The following ZFYVE16 variants were observed in gnomAD, a reference collection of about 807,000 sequenced individuals.
ZFYVE16 encodes the protein zinc finger FYVE-type containing 16.
Under a neutral mutation model 138.1 loss-of-function variants are expected in ZFYVE16, and 89 were observed. The observed-to-expected ratio is 0.64, with a 90% CI of 0.54 to 0.77. The LOEUF (loss-of-function observed/expected upper bound fraction) is 0.77, where lower values mean the gene tolerates loss of function less well. Ranked by LOEUF, ZFYVE16 falls within the 30% of genes least tolerant of loss-of-function variation. ZFYVE16 has a pLI of 0.00. For synonymous variants in ZFYVE16, 596 were observed against 618.3 expected, an observed-to-expected ratio of 0.96 and a Z score of 0.53; for missense variants, 1,793 against 1,786.7, an observed-to-expected ratio of 1.00 and a Z score of -0.06.
At position 80,455,475 on chromosome 5, in the gene ZFYVE16, A is replaced by G. The variant is rs111753038; in HGVS notation, c.3608-217A>G. The G allele has an allele frequency of 2.3e-3, 1,033 of 452,680 alleles. 6 individuals are homozygous for G. Among genetic ancestry groups the G allele is most frequent in the African/African-American group, 0.019 (911 of 47,696 alleles). 28.0% of individuals were successfully genotyped at this position (452,680 alleles called of 1,614,324 possible). A position where few individuals can be genotyped will look rare whatever the true frequency, so the allele number is the denominator to read the frequency against. ...CTTGAACCCAGGAAGTGGAGGTTGCAATGAGTCGAGATTGCACCGCTGCAC... is the reference window on the plus strand; with the variant it reads ...CTTGAACCCAGGAAGTGGAGGTTGCGATGAGTCGAGATTGCACCGCTGCAC... On this transcript the variant is annotated intron_variant, in intron 11 of 18. Transcript: ENST00000505560.
intron 13 of ZFYVE16, 36 bp downstream of exon 13, chr5:80,456,601 G>A (rs780604413): frequency 1.3e-6 from 2 of 1,540,166 alleles, no homozygotes; most frequent in South Asian, 2.3e-5. Flanking sequence ...GACAATTATT[G>A]AACATTAGAG....
chr5:80,445,659 C>G (rs1033106070), intron 7 of ZFYVE16, among the ~76,000 whole-genome samples: 1 of 151,762 alleles, frequency 6.6e-6, no homozygotes, highest in Non-Finnish European at 1.5e-5. Flanking sequence ...CTCCTGGGCT[C>G]AAGTGATGCT....
At chr5:80,410,811 G>A (rs1260739821) in intron 1 of ZFYVE16, among the ~76,000 whole-genome samples, 2 of 150,368 alleles carry the variant, frequency 1.3e-5, no homozygotes, top group Non-Finnish European at 3.0e-5. Flanking sequence ...CTTGTGATCC[G>A]CCTGCCTCGG....
rs1194934154 is a variant in ZFYVE16 at position 80,438,979 on chromosome 5, G to T, written c.2294G>T (p.Arg765Leu). 2.5e-6 allele frequency: 4 copies of T among 1,612,082 alleles called. No individual in the cohort carries two copies. The highest frequency in any genetic ancestry group is 1.7e-6 in the Non-Finnish European group (2 of 1,178,824). ...CAAGTCAAATTTACTTTTACCAAAC[G>T]GCGACACCATTGCCGAGCATGTGGG... ...NCQVKFTFTK[R>L]RHHCRACGKV... The change falls in exon 4 of 19, where the codon CGG (arginine) becomes CTG (leucine). Residue 765 changes from arginine (R) to leucine (L), a missense_variant. Transcript: ENST00000505560.
chr5:80,474,441 A>C (rs1276774910), intron 17 of ZFYVE16, among the ~76,000 whole-genome samples: 1 of 152,182 alleles, frequency 6.6e-6, no homozygotes, highest in Non-Finnish European at 1.5e-5. Context: ...CCTTGCTACA[A>C]ATTAACCTTA....
chr5:80,432,907 A>G (rs1749291108), intron 2 of ZFYVE16, among the ~76,000 whole-genome samples: 1 of 152,220 alleles, frequency 6.6e-6, no homozygotes, highest in Non-Finnish European at 1.5e-5. Context: ...GTCTCACACC[A>G]GTTAGAATGG....
chr5:80,435,675 C>T, intron 3 of ZFYVE16: 1 of 399,502 alleles, frequency 2.5e-6, no homozygotes, highest in Non-Finnish European at 5.0e-6. Flanking sequence ...CTCAGGCAAT[C>T]CTCTCACCTC....
chr5:80,423,383 T>C lies in ZFYVE16; in HGVS notation c.-93-4109T>C, dbSNP rs191194439. 6.2e-3 allele frequency among the ~76,000 whole-genome samples: 950 copies of C among 152,240 alleles called. 10 individuals are homozygous for C. The highest frequency in any genetic ancestry group is 0.021 in the African/African-American group (876 of 41,558). On this transcript the variant is annotated intron_variant, in intron 1 of 18. Transcript: ENST00000505560. The stretch of plus-strand genomic sequence containing the variant: ...AGTAGTGATGACTCCTCTTTTATTT[T>C]TGTAATTGATCGTTTATGTCTCTGT...
chr5:80,461,528 A>G (rs1172665756), intron 15 of ZFYVE16, among the ~76,000 whole-genome samples: 1 of 152,242 alleles, frequency 6.6e-6, no homozygotes, highest in East Asian at 1.9e-4. Context: ...CGTAAAAAGC[A>G]TAAATGTATT....
intron 2 of ZFYVE16, among the ~76,000 whole-genome samples, 184 bp downstream of exon 2, chr5:80,427,729 C>G (rs1171842977): frequency 1.3e-5 from 2 of 149,456 alleles, no homozygotes; most frequent in African/African-American, 4.9e-5. Context: ...AATCCCAGCA[C>G]TTTGGGAGGC....
Position 80,448,273 on chromosome 5 carries a change from C to G in ZFYVE16, c.2972C>G (p.Pro991Arg). The change falls in exon 8 of 19, where the codon CCT becomes CGT. Residue 991 changes from proline (P) to arginine (R), a missense_variant. Pro to Arg is a moderately radical substitution (Grantham distance 103). This residue lies in a region of ZFYVE16 where 1,295 missense variants were observed against 1,204.3 expected (regional missense o/e 1.08). Transcript: ENST00000505560. ...GGTGTCTTAGTTAACAGCAATTTACCTATTGCTAGTATTTCAGATTATAGG... is the reference window on the plus strand; with the variant it reads ...GGTGTCTTAGTTAACAGCAATTTACGTATTGCTAGTATTTCAGATTATAGG... ...PTGVLVNSNL[P>R]IASISDYRLL... The G allele has an allele frequency of 6.2e-7, 1 of 1,613,552 alleles. No individual in the cohort carries two copies. The highest frequency in any genetic ancestry group is 8.5e-7 in the Non-Finnish European group (1 of 1,179,868).
chr5:80,421,666 G>T (rs937658429), intron 1 of ZFYVE16, among the ~76,000 whole-genome samples: 2 of 152,026 alleles, frequency 1.3e-5, no homozygotes, highest in African/African-American at 4.8e-5. Context: ...CTCCATTTTG[G>T]TACCAGTACC....
intron 2 of ZFYVE16, among the ~76,000 whole-genome samples, chr5:80,428,720 C>T (rs10942923): frequency 0.069 from 10,531 of 152,136 alleles, 729 homozygotes; most frequent in East Asian, 0.25. Flanking sequence ...AAAGATTAGA[C>T]GAATGGCTAA....
At chr5:80,423,922 T>G (rs1747609530) in intron 1 of ZFYVE16, among the ~76,000 whole-genome samples, 1 of 148,696 alleles carries the variant, frequency 6.7e-6, no homozygotes, top group Non-Finnish European at 1.5e-5. Flanking sequence ...GGATGCTTAT[T>G]GATTTTAGAT....
intron 1 of ZFYVE16, among the ~76,000 whole-genome samples, chr5:80,426,357 G>A (rs560534264): frequency 2.1e-4 from 32 of 151,816 alleles, no homozygotes; most frequent in African/African-American, 6.5e-4. Flanking sequence ...AGGTAAACGT[G>A]TGCCACGGTG....
chr5:80,438,370 A>G lies in ZFYVE16; in HGVS notation c.1685A>G (p.Asn562Ser), dbSNP rs1231049673. Residue 562 changes from asparagine to serine, a missense_variant, in exon 4 of 19, where the codon AAT becomes AGT. Asn to Ser is a conservative substitution (Grantham distance 46, BLOSUM62 1). Transcript: ENST00000505560. The part of the protein sequence containing the change: ...ENVNDSKSQM[N>S]QIDMKGLDDG... Reference sequence around the variant, plus strand: ...GTAAATGACTCTAAATCGCAAATGAATCAGATAGATATGAAAGGCTTAGAT... The same window carrying G: ...GTAAATGACTCTAAATCGCAAATGAGTCAGATAGATATGAAAGGCTTAGAT... 1.2e-6 allele frequency: 2 copies of G among 1,613,758 alleles called. No individual in the cohort carries two copies. The highest frequency in any genetic ancestry group is 4.5e-5 in the East Asian group (2 of 44,870).
chr5:80,465,681 T>C (rs1048151242), intron 15 of ZFYVE16, among the ~76,000 whole-genome samples: 4 of 152,048 alleles, frequency 2.6e-5, no homozygotes, highest in African/African-American at 9.7e-5. Flanking sequence ...AGTGTTTTAA[T>C]TATAGGCATG....
chr5:80,460,376 A>G (rs1198347994), intron 15 of ZFYVE16, among the ~76,000 whole-genome samples: 2 of 152,004 alleles, frequency 1.3e-5, no homozygotes, highest in Non-Finnish European at 2.9e-5. Flanking sequence ...TGTATTTTAT[A>G]TTCCTCCTCT....
rs1178644420 is a variant in ZFYVE16, at chr5:80,459,506, A to C, written c.4024+12A>C. 8 of 1,601,560 alleles carry C rather than the reference A, an allele frequency of 5.0e-6. No homozygotes were observed. In the South Asian group the frequency reaches 7.9e-5, roughly 16 times the overall value. On this transcript the variant is annotated intron_variant, in intron 15 of 18. Transcript: ENST00000505560. ...CAGCATAGTTGAAGGTATGAATTTC[A>C]TTTTTAATGGTGTTTTAATGTAGAG... is the stretch of plus-strand genomic sequence containing the variant.
Sources: allele counts gnomAD v4.1 joint callset (sites outside exome capture counted in the v4.1 genomes callset), GRCh38; gene constraint gnomAD v4.1.1; regional missense constraint gnomAD v4.1.1; transcripts MANE v1.5; gene names NCBI Gene and HGNC (gene_info 2026-07-23, HGNC 2026-07-21).